The following ESRRG variants were observed in gnomAD, a reference collection of about 807,000 sequenced individuals.
ESRRG encodes the protein estrogen-related receptor gamma.
A neutral mutation model predicts 44.0 loss-of-function variants in ESRRG; 13 were observed. The observed-to-expected ratio is 0.30, with a 90% CI of 0.19 to 0.47. The LOEUF (loss-of-function observed/expected upper bound fraction) is 0.47. Ranked by LOEUF, ESRRG falls within the 20% of genes least tolerant of loss-of-function variation. ESRRG has a pLI of 1.00. For missense variants in ESRRG, 395 were observed against 580.6 expected, an observed-to-expected ratio of 0.68 and a Z score of 3.29; for synonymous variants, 215 against 214.6, an observed-to-expected ratio of 1.00 and a Z score of -0.02.
At chr1:217,059,409 T>C (rs556631443) in intron 1 of ESRRG, among the ~76,000 whole-genome samples, 2 of 152,046 alleles carry the variant, frequency 1.3e-5, no homozygotes, top group South Asian at 2.1e-4. Context: ...ATCCCTAGCA[T>C]CTAGATTGTA....
chr1:217,006,576 G>T (rs1203933707), intron 1 of ESRRG, among the ~76,000 whole-genome samples: 1 of 151,948 alleles, frequency 6.6e-6, no homozygotes. Flanking sequence ...TTTCGATTTT[G>T]GATGTTTTTG....
chr1:217,100,906 G>A (rs985503438), intron 1 of ESRRG, among the ~76,000 whole-genome samples: 1 of 152,168 alleles, frequency 6.6e-6, no homozygotes, highest in Non-Finnish European at 1.5e-5. Context: ...AGATTTGGAG[G>A]GGACAGACAT....
intron 3 of ESRRG, among the ~76,000 whole-genome samples, chr1:216,593,480 G>A (rs1048886571): frequency 3.9e-5 from 6 of 152,134 alleles, no homozygotes; most frequent in Non-Finnish European, 8.8e-5. Flanking sequence ...GAACATCTAG[G>A]ACAACTAGGC....
At chr1:216,904,204 A>ACCC (rs35823149) in intron 2 of ESRRG, among the ~76,000 whole-genome samples, 1 of 150,276 alleles carries the variant, frequency 6.7e-6, no homozygotes, top group African/African-American at 2.5e-5. Context: ...TGCAATCATC[A>ACCC]CCCCCCCCAA....
intron 2 of ESRRG, among the ~76,000 whole-genome samples, chr1:216,676,060 G>A (rs376742778): frequency 3.7e-4 from 57 of 152,280 alleles, no homozygotes; most frequent in African/African-American, 1.3e-3. Flanking sequence ...GACACATTTT[G>A]TAAACCACTG....
intron 2 of ESRRG, among the ~76,000 whole-genome samples, chr1:216,794,851 C>T (rs368655275): frequency 6.6e-6 from 1 of 152,180 alleles, no homozygotes; most frequent in Non-Finnish European, 1.5e-5. Flanking sequence ...GCTATACCTT[C>T]AGGGAACATG....
At chr1:216,571,304 G>A (rs1342442696) in intron 3 of ESRRG, among the ~76,000 whole-genome samples, 2 of 152,060 alleles carry the variant, frequency 1.3e-5, no homozygotes, top group African/African-American at 2.4e-5. Context: ...TTAGTTGGGT[G>A]TAGTTGTGGG....
rs537870027 is a variant in ESRRG at position 216,511,862 on chromosome 1, A to G, written c.1133-4679T>C. ...AATTTGGGCTTCAAAAAGGATTATA[A>G]TTGCAACTGATTGAAATCCATTAAA... is the stretch of plus-strand genomic sequence containing the variant. On this transcript the variant is annotated intron_variant, in intron 6 of 6. Transcript: ENST00000408911. Among the ~76,000 whole-genome samples the G allele has an allele frequency of 5.3e-5, 8 of 150,818 alleles. No homozygotes were observed. In the South Asian group the frequency reaches 1.7e-3, roughly 31 times the overall value.
At chr1:217,026,910 CACAGAG>C (rs1211488798) in intron 1 of ESRRG, among the ~76,000 whole-genome samples, 147 of 97,238 alleles carry the variant, frequency 1.5e-3, no homozygotes, top group Non-Finnish European at 2.3e-3. Context: ...CACACACACA[CACAGAG>C]AGAGAGAGAG....
intron 2 of ESRRG, among the ~76,000 whole-genome samples, chr1:216,729,298 T>C (rs2088223227): frequency 2.0e-5 from 3 of 152,204 alleles, no homozygotes; most frequent in Admixed American, 6.5e-5. Flanking sequence ...CCCTCAATAG[T>C]GCCCCCGTTT....
At chr1:216,818,564 G>A (rs1027504525) in intron 2 of ESRRG, among the ~76,000 whole-genome samples, 1 of 152,026 alleles carries the variant, frequency 6.6e-6, no homozygotes. Context: ...CCAAGAATTA[G>A]CAGCTATCTT....
intron 1 of ESRRG, among the ~76,000 whole-genome samples, chr1:216,990,568 G>A (rs1350652429): frequency 6.6e-6 from 1 of 151,996 alleles, no homozygotes; most frequent in African/African-American, 2.4e-5. Context: ...CCCTGAGACA[G>A]CAAAACCAAT....
rs12065312 is a variant in ESRRG at position 216,850,609 on chromosome 1, C to T, written c.-14+88973G>A. 3.8e-3 allele frequency among the ~76,000 whole-genome samples: 573 copies of T among 152,012 alleles called. 2 individuals are homozygous for T. The highest frequency in any genetic ancestry group is 0.013 in the African/African-American group (540 of 41,486). On this transcript the variant is annotated intron_variant, in intron 2 of 7. Coordinates refer to the ESRRG transcript ENST00000359162. Reference sequence around the variant, plus strand: ...CACTGTACTCCTATCTCCTTTGTTCCAATAATCAAAGGTGCAATTCTTGAT... The same window carrying T: ...CACTGTACTCCTATCTCCTTTGTTCTAATAATCAAAGGTGCAATTCTTGAT...
chr1:216,951,715 CTATGTG>C (rs1458965867), intron 1 of ESRRG, among the ~76,000 whole-genome samples: 3 of 92,018 alleles, frequency 3.3e-5, no homozygotes, highest in South Asian at 4.3e-4. Context: ...GGAACTATCA[CTATGTG>C]TGTGTGTGTG....
intron 1 of ESRRG, among the ~76,000 whole-genome samples, chr1:217,017,149 T>C (rs1318950358): frequency 1.3e-5 from 2 of 152,144 alleles, no homozygotes; most frequent in Non-Finnish European, 2.9e-5. Flanking sequence ...TGTAGACAGT[T>C]AGCTTATCCA....
Position 216,703,588 on chromosome 1 carries a change from CT to C in ESRRG, c.56+19655del, listed in dbSNP as rs570247536. On this transcript the variant is annotated intron_variant, in intron 1 of 6. Transcript: ENST00000408911. ...CTGTATAAATGTAATTTTTTTTTTG[CT>C]TTTTTTTTTAAGTGCAAGGAAAAAA... 4.0e-4 allele frequency among the ~76,000 whole-genome samples: 55 copies of C among 135,816 alleles called. 1 individual carries two copies. Among genetic ancestry groups the C allele is most frequent in the East Asian group, 1.3e-3 (6 of 4,640 alleles). 89.1% of individuals were successfully genotyped at this position (135,816 alleles called of 152,430 possible).
At chr1:216,823,433 A>G (rs895509739) in intron 2 of ESRRG, among the ~76,000 whole-genome samples, 5 of 152,190 alleles carry the variant, frequency 3.3e-5, no homozygotes, top group Non-Finnish European at 7.3e-5. Flanking sequence ...GGAAGAAAAT[A>G]TCTGTGTTTC....
intron 1 of ESRRG, among the ~76,000 whole-genome samples, chr1:216,697,709 C>A (rs1054317740): frequency 2.0e-5 from 3 of 152,100 alleles, no homozygotes; most frequent in African/African-American, 7.2e-5. Context: ...AGGTTAGAGC[C>A]CTCCATCAGA....
At chr1:216,779,652 C>T (rs887608480) in intron 2 of ESRRG, among the ~76,000 whole-genome samples, 7 of 142,004 alleles carry the variant, frequency 4.9e-5, no homozygotes, top group Middle Eastern at 3.4e-3. Flanking sequence ...TGGTTACAGT[C>T]TTACTTTTTG....
Sources: allele counts gnomAD v4.1 joint callset (sites outside exome capture counted in the v4.1 genomes callset), GRCh38; gene constraint gnomAD v4.1.1; transcripts MANE v1.5; gene names NCBI Gene and HGNC (gene_info 2026-07-23, HGNC 2026-07-21).